The following MARK1 variants were observed in gnomAD, a reference collection of about 807,000 sequenced individuals.
MARK1 encodes serine/threonine-protein kinase MARK1.
In MARK1, 40 loss-of-function variants were observed where a neutral mutation model predicts 96.3. The ratio of observed to expected loss-of-function variants is 0.42; its 90% CI spans 0.32 to 0.54. The LOEUF (loss-of-function observed/expected upper bound fraction) is 0.54. Among genes scored for constraint, MARK1 ranks in the 20% least tolerant of loss-of-function variants. The pLI is 0.16. For synonymous variants in MARK1, 317 were observed against 341.2 expected (o/e 0.93, Z 0.78); for missense variants, 719 against 984.6 (o/e 0.73, Z 3.61).
At chr1:220,543,301 A>G (rs928004441) in intron 1 of MARK1, among the ~76,000 whole-genome samples, 5 of 152,222 alleles carry the variant, frequency 3.3e-5, no homozygotes, top group African/African-American at 9.6e-5. Context: ...TGTTAAGCCA[A>G]CATTTACAAA....
Position 220,579,429 on chromosome 1 carries a change from T to G in MARK1, c.127T>G (p.Cys43Gly), listed in dbSNP as rs748204894. 1.1e-5 allele frequency: 17 copies of G among 1,613,992 alleles called. No individual in the cohort carries two copies. In the South Asian group the frequency reaches 1.9e-4, roughly 18 times the overall value. Reference protein sequence around the residue: ...KSSSRQNIPRCRNSITSATDE... With the variant: ...KSSSRQNIPRGRNSITSATDE... ...GAGTAGCAGACAGAACATCCCCCGG[T>G]GTAGAAACTCCATTACGTCAGCAAC... is the stretch of plus-strand genomic sequence containing the variant. Residue 43 changes from cysteine to glycine, a missense_variant, in exon 2 of 18, where the codon TGT becomes GGT. This residue lies in a region of MARK1 where 105 missense variants were observed against 133.4 expected (regional missense o/e 0.79). Coordinates refer to ENST00000366917, the MANE Select transcript of MARK1 (RefSeq NM_018650.5).
chr1:220,631,241 T>C (rs1667666234), intron 10 of MARK1, 107 bp downstream of exon 10: 3 of 575,098 alleles, frequency 5.2e-6, no homozygotes, highest in African/African-American at 1.9e-5. Flanking sequence ...AATTTTTATT[T>C]GAAAAATACT....
At chr1:220,581,738 G>T (rs1664254817) in intron 3 of MARK1, among the ~76,000 whole-genome samples, 1 of 152,096 alleles carries the variant, frequency 6.6e-6, no homozygotes, top group African/African-American at 2.4e-5. Context: ...TTCTTTAAAG[G>T]ATTGAAAATA....
chr1:220,583,653 C>CTT (rs397966746), intron 3 of MARK1, among the ~76,000 whole-genome samples: 1 of 139,872 alleles, frequency 7.1e-6, no homozygotes, highest in African/African-American at 2.6e-5. Context: ...TTCCTGGGTT[C>CTT]TTTTTTTTTT....
chr1:220,551,076 C>T (rs544181649), intron 1 of MARK1, among the ~76,000 whole-genome samples: 145 of 152,278 alleles, frequency 9.5e-4, no homozygotes, highest in African/African-American at 3.2e-3. Flanking sequence ...AACTGGAACT[C>T]GTGTCTCTCA....
chr1:220,635,160 C>A (rs1667879684), intron 11 of MARK1, among the ~76,000 whole-genome samples: 1 of 151,942 alleles, frequency 6.6e-6, no homozygotes, highest in South Asian at 2.1e-4. Flanking sequence ...CAAGATAATA[C>A]AAGATTATGA....
intron 11 of MARK1, among the ~76,000 whole-genome samples, chr1:220,634,416 C>T (rs1336000976): frequency 6.6e-6 from 1 of 152,164 alleles, no homozygotes. Flanking sequence ...CCAGCACAAC[C>T]ACTAACTATG....
At chr1:220,593,586 C>A (rs1458056480) in intron 3 of MARK1, among the ~76,000 whole-genome samples, 1 of 152,124 alleles carries the variant, frequency 6.6e-6, no homozygotes, top group Non-Finnish European at 1.5e-5. Context: ...GCAAATCTAA[C>A]CCACAGAGCC....
At position 220,538,977 on chromosome 1, in the gene MARK1, A is replaced by G. The variant is rs1280737265; in HGVS notation, c.51+10104A>G. On this transcript the variant is annotated intron_variant, in intron 1 of 17. Coordinates refer to ENST00000366917, the MANE Select transcript of MARK1 (RefSeq NM_018650.5). ...CTTAAGGAGATTTTGGGCTGAGACA[A>G]TGGGGTTTTCTAGATATACAATCAT... Among the ~76,000 whole-genome samples, 1,176 of 151,822 alleles carry G rather than the reference A, an allele frequency of 7.7e-3. 9 individuals are homozygous for G. Among genetic ancestry groups the G allele is most frequent in the African/African-American group, 0.027 (1,113 of 41,330 alleles).
intron 1 of MARK1, among the ~76,000 whole-genome samples, chr1:220,576,119 T>C (rs1465216034): frequency 1.5e-5 from 2 of 129,804 alleles, no homozygotes; most frequent in African/African-American, 5.8e-5. Context: ...TACTTTTTAA[T>C]TTTAAAATAA....
At chr1:220,602,838 T>A (rs961179207) in intron 5 of MARK1, among the ~76,000 whole-genome samples, 1 of 152,116 alleles carries the variant, frequency 6.6e-6, no homozygotes, top group Admixed American at 6.5e-5. Context: ...CTAGGATTGA[T>A]ATTGCATATA....
chr1:220,628,244 T>C (rs1667459914), intron 9 of MARK1, among the ~76,000 whole-genome samples: 1 of 152,194 alleles, frequency 6.6e-6, no homozygotes, highest in Admixed American at 6.5e-5. Flanking sequence ...CCTCAGCTTT[T>C]ATACATACGT....
At chr1:220,638,117 ATT>A (rs35224257) in intron 13 of MARK1, among the ~76,000 whole-genome samples, 55 of 140,476 alleles carry the variant, frequency 3.9e-4, no homozygotes, top group Non-Finnish European at 4.0e-4. Context: ...TGGGGCTTAA[ATT>A]TTTTTTTTTT....
intron 1 of MARK1, among the ~76,000 whole-genome samples, chr1:220,533,699 A>C (rs113803499): frequency 6.6e-6 from 1 of 152,102 alleles, no homozygotes; most frequent in Non-Finnish European, 1.5e-5. Flanking sequence ...GTCATCTGCT[A>C]TTTGGTGTGT....
chr1:220,613,034 T>C lies in MARK1; in HGVS notation c.496-2905T>C, dbSNP rs12082278. ...ACTCCACCTCAATGGAAAACACTGATGTGTGTGGTCTTACCGTCAGTACCC... is the reference window on the plus strand; with the variant it reads ...ACTCCACCTCAATGGAAAACACTGACGTGTGTGGTCTTACCGTCAGTACCC... On this transcript the variant is annotated intron_variant, in intron 6 of 17. Coordinates refer to ENST00000366917, the MANE Select transcript of MARK1 (RefSeq NM_018650.5). Among the ~76,000 whole-genome samples the C allele has an allele frequency of 4.1e-3, 621 of 152,246 alleles. 4 individuals carry two copies. Among genetic ancestry groups the C allele is most frequent in the African/African-American group, 0.014 (595 of 41,548 alleles).
At chr1:220,542,334 A>T (rs188031830) in intron 1 of MARK1, among the ~76,000 whole-genome samples, 1 of 152,056 alleles carries the variant, frequency 6.6e-6, no homozygotes, top group African/African-American at 2.4e-5. Flanking sequence ...AGGAGGTTAG[A>T]TTTATTGTTG....
chr1:220,594,334 C>T (rs778977938), intron 3 of MARK1, among the ~76,000 whole-genome samples: 3 of 152,218 alleles, frequency 2.0e-5, no homozygotes, highest in Non-Finnish European at 2.9e-5. Context: ...GATACTGCTA[C>T]ATACCTATTA....
intron 1 of MARK1, among the ~76,000 whole-genome samples, chr1:220,539,844 G>A (rs1326397075): frequency 2.0e-5 from 3 of 148,734 alleles, no homozygotes; most frequent in African/African-American, 7.4e-5. Flanking sequence ...TTTTTTTCCT[G>A]TAGTGACTTT....
chr1:220,611,981 C>T (rs1217871064), intron 6 of MARK1, among the ~76,000 whole-genome samples: 2 of 152,180 alleles, frequency 1.3e-5, no homozygotes, highest in Non-Finnish European at 2.9e-5. Context: ...GATCTGCCCA[C>T]ATCGGCCTCC....
Sources: gnomAD v4.1 joint callset for allele counts (sites outside exome capture counted in the v4.1 genomes callset) on GRCh38, gnomAD v4.1.1 for gene constraint, gnomAD v4.1.1 regional missense constraint, MANE v1.5 for transcripts, NCBI Gene and HGNC (gene_info 2026-07-23, HGNC 2026-07-21) for gene names.